MTMR9: variants seen among roughly 807,000 people sequenced by gnomAD.
The protein encoded by MTMR9 is myotubularin-related protein 9.
Under a neutral mutation model 69.5 loss-of-function variants are expected in MTMR9, and 39 were observed. That is an observed-to-expected ratio of 0.56 (90% CI 0.43 to 0.73). The LOEUF (loss-of-function observed/expected upper bound fraction) is 0.73. Among genes scored for constraint, MTMR9 ranks in the 30% least tolerant of loss-of-function variants. The pLI is 0.00. For synonymous variants in MTMR9, 354 were observed against 240.8 expected (o/e 1.47, Z -4.35); for missense variants, 900 against 671.2 (o/e 1.34, Z -3.77).
At chr8:11,296,048 A>G (rs963757698) in intron 2 of MTMR9, among the ~76,000 whole-genome samples, 3 of 152,072 alleles carry the variant, frequency 2.0e-5, no homozygotes, top group African/African-American at 4.8e-5. Flanking sequence ...ACAGTTCTAA[A>G]AATTTGAATA....
chr8:11,335,070 A>G, the MTMR9 span, among the ~76,000 whole-genome samples: 1 of 152,212 alleles, frequency 6.6e-6, no homozygotes, highest in Non-Finnish European at 1.5e-5. Context: ...ATGGGAAATT[A>G]TAACTAATGC....
chr8:11,301,530 A>C (rs1188230217), intron 3 of MTMR9, among the ~76,000 whole-genome samples: 1 of 152,262 alleles, frequency 6.6e-6, no homozygotes, highest in African/African-American at 2.4e-5. Flanking sequence ...ACTAAACATG[A>C]GAACTAAAAC....
chr8:11,290,275 C>G (rs1177131627), intron 1 of MTMR9, among the ~76,000 whole-genome samples: 1 of 151,540 alleles, frequency 6.6e-6, no homozygotes, highest in African/African-American at 2.4e-5. Flanking sequence ...TTGTGAATTG[C>G]CTAATTTCTG....
In MTMR9 at chr8:11,323,415, A is replaced by G. The variant is rs761154237; in HGVS notation, c.*627A>G. 1.3e-5 allele frequency: 2 copies of G among 152,256 alleles called. No individual in the cohort carries two copies. Among genetic ancestry groups the G allele is most frequent in the Non-Finnish European group, 1.5e-5 (1 of 68,044 alleles). The allele number at this position is 152,256 out of a possible 1,614,324, so 9.4% of individuals were successfully genotyped here. A position where few individuals can be genotyped will look rare whatever the true frequency, so the allele number is the denominator to read the frequency against. ...AATTATTTCTACAAGGGCAACAGGT[A>G]TGGTCCTCCGATATTTACATTAAGA... On this transcript the variant is annotated 3_prime_UTR_variant, in exon 10 of 10. Coordinates refer to ENST00000221086, the MANE Select transcript of MTMR9 (RefSeq NM_015458.4).
chr8:11,302,253 C>CAAAAAA (rs34305448), intron 3 of MTMR9, among the ~76,000 whole-genome samples: 3 of 58,972 alleles, frequency 5.1e-5, no homozygotes, highest in African/African-American at 1.4e-4. Flanking sequence ...ACCCTGTCTC[C>CAAAAAA]AAAAAAAAAA....
intron 1 of MTMR9, among the ~76,000 whole-genome samples, chr8:11,288,232 T>TATA (rs200224201): frequency 2.2e-5 from 3 of 137,306 alleles, no homozygotes; most frequent in African/African-American, 8.1e-5. Flanking sequence ...AATTATAATA[T>TATA]ATAATAATAA....
chr8:11,287,965 G>A (rs1395315915), intron 1 of MTMR9, among the ~76,000 whole-genome samples: 3 of 115,638 alleles, frequency 2.6e-5, no homozygotes, highest in South Asian at 5.0e-4. Flanking sequence ...TATATACTAT[G>A]TATTATATAT....
At chr8:11,301,125 C>T (rs930996617) in intron 3 of MTMR9, among the ~76,000 whole-genome samples, 1 of 152,144 alleles carries the variant, frequency 6.6e-6, no homozygotes, top group Non-Finnish European at 1.5e-5. Context: ...AGAGTCAGTG[C>T]AATCCCTGTT....
chr8:11,305,368 T>C (rs1799900784), intron 4 of MTMR9, among the ~76,000 whole-genome samples: 1 of 152,218 alleles, frequency 6.6e-6, no homozygotes, highest in Non-Finnish European at 1.5e-5. Flanking sequence ...ACTTGAATTT[T>C]TCTTAACAAC....
intron 6 of MTMR9, among the ~76,000 whole-genome samples, chr8:11,314,695 T>C (rs1463412375): frequency 6.6e-6 from 1 of 152,212 alleles, no homozygotes; most frequent in East Asian, 1.9e-4. Context: ...AAATTTGAGA[T>C]TCATTATAGT....
chr8:11,309,731 T>C (rs1800116031), intron 6 of MTMR9, 43 bp downstream of exon 6: 2 of 1,597,448 alleles, frequency 1.3e-6, no homozygotes, highest in African/African-American at 1.3e-5. Flanking sequence ...ATGGCGCTGC[T>C]AACTAGACTT....
chr8:11,331,964 G>T (rs1354209418), downstream of MTMR9: 1 of 1,611,914 alleles, frequency 6.2e-7, no homozygotes, highest in East Asian at 2.2e-5. Context: ...GCGCTGTCCT[G>T]CATTCCGAGG....
downstream of MTMR9, chr8:11,331,635 C>G: frequency 1.9e-6 from 3 of 1,612,828 alleles, no homozygotes; most frequent in Non-Finnish European, 2.5e-6. Context: ...GGGACCTGGA[C>G]TCTGGACACT....
At chr8:11,320,920 A>G (rs1376299679) in intron 9 of MTMR9, 2 of 152,722 alleles carry the variant, frequency 1.3e-5, no homozygotes, top group African/African-American at 4.8e-5. Flanking sequence ...GTTAAATTAA[A>G]CCGAATTACC....
At position 11,315,061 on chromosome 8, in the gene MTMR9, G is replaced by A. The variant is rs1417336427; in HGVS notation, c.1110G>A (p.Leu370=). Residue 370 remains leucine (L), a synonymous_variant, in exon 7 of 10, where the codon CTG becomes CTA. Coordinates refer to ENST00000221086, the MANE Select transcript of MTMR9 (RefSeq NM_015458.4). ...AGGCCCTGATTGAAAGAGAGTGGCTGCAGGTGAGAAGAGCTGTTTGATTCA... is the reference window on the plus strand; with the variant it reads ...AGGCCCTGATTGAAAGAGAGTGGCTACAGGTGAGAAGAGCTGTTTGATTCA... ...GFEALIEREW[L]QAGHPFQQRC... is the part of the protein sequence containing the mutation. 1.2e-6 allele frequency: 2 copies of A among 1,613,218 alleles called. No homozygotes were observed. Among genetic ancestry groups the A allele is most frequent in the South Asian group, 1.1e-5 (1 of 91,028 alleles).
downstream of MTMR9, chr8:11,330,783 A>C (rs1585149069): frequency 2.3e-6 from 1 of 439,330 alleles, no homozygotes; most frequent in East Asian, 4.4e-5. Context: ...ACACTGCGGA[A>C]GGCCGCAGGG....
chr8:11,309,674 T>C lies in MTMR9; in HGVS notation c.957T>C (p.Ala319=), dbSNP rs772615442. 1.9e-6 allele frequency: 3 copies of C among 1,613,822 alleles called. No individual in the cohort carries two copies. Among genetic ancestry groups the C allele is most frequent in the Non-Finnish European group, 2.5e-6 (3 of 1,179,856 alleles). ...KEILTTACLA[A]QCIDREGASI... ...TTCTGACAACTGCCTGCCTAGCGGCTCAGTGCATCGACAGGTAAAGTGCAT... is the reference window on the plus strand; with the variant it reads ...TTCTGACAACTGCCTGCCTAGCGGCCCAGTGCATCGACAGGTAAAGTGCAT... Residue 319 remains alanine (A), a synonymous_variant, in exon 6 of 10, where the codon GCT becomes GCC. Coordinates refer to ENST00000221086, the MANE Select transcript of MTMR9 (RefSeq NM_015458.4).
intron 1 of MTMR9, among the ~76,000 whole-genome samples, chr8:11,287,906 CAT>C (rs1217137635): frequency 4.8e-4 from 58 of 121,960 alleles, no homozygotes; most frequent in East Asian, 2.7e-3. Context: ...TTATATATAA[CAT>C]AATATGTATT....
the MTMR9 span, among the ~76,000 whole-genome samples, chr8:11,336,714 T>G: frequency 6.6e-6 from 1 of 152,150 alleles, no homozygotes; most frequent in Non-Finnish European, 1.5e-5. Flanking sequence ...TGTGTGCCGG[T>G]CATAAGGAAA....
Sources: gnomAD v4.1 joint callset for allele counts (sites outside exome capture counted in the v4.1 genomes callset) on GRCh38, gnomAD v4.1.1 for gene constraint, MANE v1.5 for transcripts, NCBI Gene and HGNC (gene_info 2026-07-23, HGNC 2026-07-21) for gene names.